PSG8: variants seen among roughly 807,000 people sequenced by gnomAD.
The protein encoded by PSG8 is pregnancy-specific beta-1-glycoprotein 8.
In PSG8, 57 loss-of-function variants were observed where a neutral mutation model predicts 42.5. The ratio of observed to expected loss-of-function variants is 1.34; its 90% CI spans 1.08 to 1.67. The LOEUF (loss-of-function observed/expected upper bound fraction) is 1.67, where lower values mean the gene tolerates loss of function less well. Ranked by LOEUF, PSG8 falls within the 40% of genes most tolerant of loss-of-function variation. PSG8 has a pLI of 0.00. For missense variants in PSG8, 783 were observed against 518.6 expected (o/e 1.51, Z -4.95); for synonymous variants, 280 against 196.8 (o/e 1.42, Z -3.54).
intron 2 of PSG8, among the ~76,000 whole-genome samples, chr19:42,759,479 T>A (rs1970019805): frequency 6.7e-6 from 1 of 148,802 alleles, no homozygotes; most frequent in Non-Finnish European, 1.5e-5. Flanking sequence ...GATTTCTAAT[T>A]TTTTTTTGTT....
intron 1 of PSG8, among the ~76,000 whole-genome samples, 172 bp from the exon 2 acceptor site, chr19:42,764,453 GTGTA>G (rs953373926): frequency 2.6e-5 from 4 of 151,950 alleles, no homozygotes; most frequent in African/African-American, 4.8e-5. Context: ...GTCTGTGTGT[GTGTA>G]TGTGTGTGTG....
Position 42,764,233 on chromosome 19 carries a change from A to G in PSG8, c.113T>C (p.Ile38Thr), listed in dbSNP as rs75687580. 6.9e-3 allele frequency: 11,203 copies of G among 1,613,766 alleles called. 132 individuals carry two copies. Among genetic ancestry groups the G allele is most frequent in the East Asian group, 0.028 (1,264 of 44,826 alleles). Residue 38 changes from isoleucine to threonine, a missense_variant, in exon 2 of 5, where the codon ATT becomes ACT. Coordinates refer to ENST00000306511, the MANE Select transcript of PSG8 (RefSeq NM_182707.3). ...WNPPTTAQVT[I>T]EAQPTKVSEG... Reference sequence around the variant, plus strand: ...AGAAACTTTGGTTGGCTGGGCTTCAATCGTGACTTGGGCAGTCGTGGGTGG... The same window carrying G: ...AGAAACTTTGGTTGGCTGGGCTTCAGTCGTGACTTGGGCAGTCGTGGGTGG...
At chr19:42,763,212 C>G (rs1221957032) in intron 2 of PSG8, among the ~76,000 whole-genome samples, 2 of 152,308 alleles carry the variant, frequency 1.3e-5, no homozygotes, top group East Asian at 3.9e-4. Context: ...TACATCTTCT[C>G]TCTTGTGTTT....
chr19:42,754,651 T>A, intron 4 of PSG8, 64 bp from the exon 5 acceptor site: 1 of 1,544,510 alleles, frequency 6.5e-7, no homozygotes, highest in Non-Finnish European at 8.8e-7. Context: ...TCCTGGTCTC[T>A]TAAAGGGACA....
At chr19:42,756,711 G>T (rs749777329) in intron 3 of PSG8, among the ~76,000 whole-genome samples, 1 of 152,068 alleles carries the variant, frequency 6.6e-6, no homozygotes, top group South Asian at 2.1e-4. Flanking sequence ...ATTTTTGAAG[G>T]CTTTGGGATG....
In PSG8 at chr19:42,765,664, GT is replaced by G; in HGVS notation, c.-84del. 1.3e-6 allele frequency: 2 copies of G among 1,546,306 alleles called. No individual in the cohort carries two copies. The highest frequency in any genetic ancestry group is 1.8e-6 in the Non-Finnish European group (2 of 1,135,088). On this transcript the variant is annotated 5_prime_UTR_variant, in exon 1 of 5. Coordinates refer to ENST00000306511, the MANE Select transcript of PSG8 (RefSeq NM_182707.3). ...CCTGAGCACAGCTCTCAGCAGTGCT[GT>G]CCTGCCTCCTTCTGCGCTGAGCTTC...
chr19:42,754,188 T>C (rs1969849864), downstream of PSG8: 1 of 1,530,496 alleles, frequency 6.5e-7, no homozygotes, highest in African/African-American at 1.4e-5. Context: ...CTTAGACAAA[T>C]TTGGAGGGTT....
At chr19:42,763,219 GT>G (rs1238543203) in intron 2 of PSG8, among the ~76,000 whole-genome samples, 1 of 152,164 alleles carries the variant, frequency 6.6e-6, no homozygotes, top group African/African-American at 2.4e-5. Flanking sequence ...TCTCTCTTGT[GT>G]TTCTGCTTCT....
intron 2 of PSG8, among the ~76,000 whole-genome samples, chr19:42,761,152 C>T (rs532615500): frequency 1.2e-4 from 18 of 152,288 alleles, no homozygotes; most frequent in African/African-American, 4.1e-4. Context: ...ACTAGCATGC[C>T]TGACTCCATC....
intron 1 of PSG8, among the ~76,000 whole-genome samples, chr19:42,764,999 GC>G (rs906036347): frequency 7.9e-5 from 12 of 151,980 alleles, no homozygotes; most frequent in African/African-American, 2.7e-4. Flanking sequence ...AAATGTGGTG[GC>G]CCCTGATGAT....
rs138981857 is a variant in PSG8 at position 42,765,212 on chromosome 19, G to A, written c.64+306C>T. Among the ~76,000 whole-genome samples, 303 of 151,278 alleles carry A rather than the reference G, an allele frequency of 2.0e-3. 4 individuals carry two copies. The highest frequency in any genetic ancestry group is 6.5e-3 in the African/African-American group (267 of 41,104). On this transcript the variant is annotated intron_variant, in intron 1 of 4. Transcript: ENST00000306511. The stretch of plus-strand genomic sequence containing the variant: ...CTGTCTCCCAGGCTGGCGTGCGATG[G>A]CACTATCTCAGCTAGCTGCAACTTC...
At chr19:42,759,022 C>G (rs1317630490) in intron 2 of PSG8, 2 of 152,426 alleles carry the variant, frequency 1.3e-5, no homozygotes, top group Non-Finnish European at 2.9e-5. Flanking sequence ...CATGATGCTC[C>G]CTTCCCCCTG....
chr19:42,759,443 C>T (rs1368866636), intron 2 of PSG8, among the ~76,000 whole-genome samples: 1 of 152,118 alleles, frequency 6.6e-6, no homozygotes, highest in East Asian at 1.9e-4. Flanking sequence ...GCTCCTTATG[C>T]AGAAGGCTTA....
At chr19:42,757,893 A>T in intron 3 of PSG8, 109 bp downstream of exon 3, 2 of 1,610,940 alleles carry the variant, frequency 1.2e-6, no homozygotes, top group Non-Finnish European at 1.7e-6. Context: ...TTTGATGTCC[A>T]GGGGTAAAGG....
downstream of PSG8, chr19:42,753,224 C>A: frequency 2.6e-6 from 2 of 773,698 alleles, no homozygotes; most frequent in African/African-American, 1.7e-5. Context: ...GAGTGGCTCA[C>A]CCTTCAGGTA....
intron 2 of PSG8, among the ~76,000 whole-genome samples, chr19:42,760,190 G>A (rs543945575): frequency 6.6e-6 from 1 of 152,054 alleles, no homozygotes; most frequent in Non-Finnish European, 1.5e-5. Flanking sequence ...AAGTGAGATG[G>A]CAATGGCTCA....
At chr19:42,762,541 A>G (rs1377431235) in intron 2 of PSG8, among the ~76,000 whole-genome samples, 1 of 151,804 alleles carries the variant, frequency 6.6e-6, no homozygotes, top group Admixed American at 6.6e-5. Context: ...CCATTCCTTC[A>G]TTTGTTATGT....
At chr19:42,762,514 G>C (rs1970103540) in intron 2 of PSG8, among the ~76,000 whole-genome samples, 3 of 151,960 alleles carry the variant, frequency 2.0e-5, no homozygotes. Flanking sequence ...AAGAGGTTTT[G>C]GATCATTCAT....
Position 42,762,321 on chromosome 19 carries a change from C to T in PSG8, c.430+1595G>A, listed in dbSNP as rs1340702903. Among the ~76,000 whole-genome samples the T allele has an allele frequency of 2.6e-5, 4 of 152,080 alleles. No individual in the cohort carries two copies. In the South Asian group the frequency reaches 6.3e-4, roughly 24 times the overall value. On this transcript the variant is annotated intron_variant, in intron 2 of 4. Transcript: ENST00000306511. ...CAGGGACCAGGTGCCCCCAGCTCCA[C>T]AGTCCAGGACCAAAGAGCCCTGAGA...
Sources: gnomAD v4.1 joint callset for allele counts (sites outside exome capture counted in the v4.1 genomes callset) on GRCh38, gnomAD v4.1.1 for gene constraint, MANE v1.5 for transcripts, NCBI Gene and HGNC (gene_info 2026-07-23, HGNC 2026-07-21) for gene names.